CDH8: variants seen among roughly 807,000 people sequenced by gnomAD.
CDH8 encodes cadherin-8.
CDH8 carries 17 observed loss-of-function variants against 68.1 expected under a neutral mutation model. The observed-to-expected ratio is 0.25, with a 90% CI of 0.17 to 0.37. CDH8 has a LOEUF of 0.37. CDH8 is among the 10% of genes least tolerant of loss of function. CDH8 has a pLI of 1.00. For synonymous variants in CDH8, 372 were observed against 365.1 expected, an observed-to-expected ratio of 1.02 and a Z score of -0.21; for missense variants, 763 against 999.3, an observed-to-expected ratio of 0.76 and a Z score of 3.19.
At chr16:61,837,904 T>C (rs940324595) in intron 4 of CDH8, among the ~76,000 whole-genome samples, 2 of 152,014 alleles carry the variant, frequency 1.3e-5, no homozygotes, top group Admixed American at 6.6e-5. Flanking sequence ...GTTAGATCTG[T>C]ATAAACAAGA....
At position 61,733,054 on chromosome 16, in the gene CDH8, GTAA is replaced by G. The variant is rs1314814877; in HGVS notation, c.1415-5842_1415-5840del. On this transcript the variant is annotated intron_variant, in intron 8 of 11. Coordinates refer to ENST00000577390, the MANE Select transcript of CDH8 (RefSeq NM_001796.5). ...TTTTAAAAACACAATATTATATAAA[GTAA>G]TAATTATAGCAATACAATTTTAGGG... Among the ~76,000 whole-genome samples, 3 of 151,832 alleles carry G rather than the reference GTAA, an allele frequency of 2.0e-5. No homozygotes were observed. The East Asian group carries it at 5.8e-4, about 29-fold the overall frequency.
intron 2 of CDH8, among the ~76,000 whole-genome samples, chr16:61,962,351 T>A (rs908833462): frequency 6.6e-6 from 1 of 152,020 alleles, no homozygotes; most frequent in Non-Finnish European, 1.5e-5. Flanking sequence ...GGGGTCAGGA[T>A]GGAGGGTGTG....
intron 2 of CDH8, among the ~76,000 whole-genome samples, chr16:61,963,195 T>C (rs1965188964): frequency 1.3e-5 from 2 of 152,194 alleles, no homozygotes; most frequent in Admixed American, 6.5e-5. Context: ...CAAGGAATGA[T>C]AAGGCATGGT....
chr16:61,949,886 G>A (rs1438229208), intron 2 of CDH8, among the ~76,000 whole-genome samples: 1 of 151,868 alleles, frequency 6.6e-6, no homozygotes, highest in Non-Finnish European at 1.5e-5. Flanking sequence ...CTCTCAGGGG[G>A]CTGAGGTAGG....
At chr16:61,902,989 CAT>C (rs1348855236) in intron 2 of CDH8, among the ~76,000 whole-genome samples, 12 of 152,012 alleles carry the variant, frequency 7.9e-5, no homozygotes, top group African/African-American at 2.7e-4. Flanking sequence ...AATTTATGCA[CAT>C]GTTAACATTT....
At position 61,789,338 on chromosome 16, in the gene CDH8, G is replaced by A. The variant is rs773428300; in HGVS notation, c.1414+8C>T. 1.0e-5 allele frequency: 16 copies of A among 1,606,062 alleles called. No individual in the cohort carries two copies. The Admixed American group carries it at 2.7e-4, about 27-fold the overall frequency. On this transcript the variant is annotated splice_region_variant and intron_variant, in intron 8 of 11. Transcript: ENST00000577390. ...ACAAGGAAGAAATGAACAAATCCAG[G>A]CACTTACTAATTTCAGTAGCAATGA...
intron 2 of CDH8, among the ~76,000 whole-genome samples, chr16:61,923,954 G>T (rs1394110185): frequency 6.6e-6 from 1 of 150,618 alleles, no homozygotes; most frequent in East Asian, 1.9e-4. Context: ...ATGGGTATCA[G>T]AATCATAAGT....
At chr16:61,714,208 AAT>A (rs1308189160) in intron 9 of CDH8, 2 of 434,420 alleles carry the variant, frequency 4.6e-6, no homozygotes, top group African/African-American at 4.2e-5. Flanking sequence ...TGTGGCTTGA[AAT>A]AGCAAAGTTA....
chr16:61,736,022 G>A (rs1343183131), intron 8 of CDH8, among the ~76,000 whole-genome samples: 1 of 151,520 alleles, frequency 6.6e-6, no homozygotes, highest in African/African-American at 2.4e-5. Context: ...GTAGTGAGCC[G>A]AGATCATGCC....
At chr16:61,750,266 C>G (rs16963907) in intron 8 of CDH8, among the ~76,000 whole-genome samples, 24 of 152,094 alleles carry the variant, frequency 1.6e-4, no homozygotes, top group African/African-American at 5.3e-4. Context: ...AAGAGAAAAA[C>G]TACGCAGTCT....
intron 7 of CDH8, among the ~76,000 whole-genome samples, chr16:61,815,055 C>G (rs1257391335): frequency 6.6e-6 from 1 of 152,196 alleles, no homozygotes; most frequent in East Asian, 1.9e-4. Flanking sequence ...GCATTTGTCC[C>G]TTCTTTGGGT....
chr16:61,876,977 T>C (rs576933294), intron 3 of CDH8, among the ~76,000 whole-genome samples: 8 of 152,230 alleles, frequency 5.3e-5, no homozygotes, highest in Admixed American at 2.6e-4. Flanking sequence ...GGAGAACCAA[T>C]TGGGAACAAA....
At chr16:61,996,917 G>A (rs1489312056) in intron 2 of CDH8, among the ~76,000 whole-genome samples, 3 of 151,986 alleles carry the variant, frequency 2.0e-5, no homozygotes, top group Non-Finnish European at 4.4e-5. Context: ...CTGAAATATT[G>A]AGTAGTTTAG....
intron 3 of CDH8, among the ~76,000 whole-genome samples, chr16:61,857,955 T>C (rs910073262): frequency 2.0e-5 from 3 of 151,956 alleles, no homozygotes; most frequent in South Asian, 2.1e-4. Context: ...AGAGCAAACC[T>C]ATACATTTTG....
chr16:61,702,003 C>T (rs373739129), intron 10 of CDH8, among the ~76,000 whole-genome samples: 102 of 152,202 alleles, frequency 6.7e-4, no homozygotes, highest in African/African-American at 2.4e-3. Flanking sequence ...AAATTTAGAA[C>T]GGAAAGTTGT....
intron 7 of CDH8, among the ~76,000 whole-genome samples, chr16:61,801,536 G>T (rs1180722513): frequency 6.6e-6 from 1 of 152,182 alleles, no homozygotes; most frequent in Non-Finnish European, 1.5e-5. Context: ...GGTGATTTCT[G>T]CATTTCCATC....
intron 3 of CDH8, among the ~76,000 whole-genome samples, chr16:61,861,685 C>T (rs1963152751): frequency 6.6e-6 from 1 of 152,324 alleles, no homozygotes; most frequent in African/African-American, 2.4e-5. Context: ...TCAACCAGAA[C>T]ATTTCTTTTA....
At chr16:61,745,767 C>A (rs1325151918) in intron 8 of CDH8, among the ~76,000 whole-genome samples, 1 of 151,906 alleles carries the variant, frequency 6.6e-6, no homozygotes, top group Non-Finnish European at 1.5e-5. Context: ...TTTTCTTGGA[C>A]ATGTTAACTA....
At chr16:61,901,155 C>G (rs76341275) in intron 3 of CDH8, 24 bp downstream of exon 3, 210 of 1,597,464 alleles carry the variant, frequency 1.3e-4, no homozygotes, top group Admixed American at 2.5e-4. Context: ...TTTAATAGAT[C>G]TGTGAAATTG....
Sources: gnomAD v4.1 joint callset for allele counts (sites outside exome capture counted in the v4.1 genomes callset) on GRCh38, gnomAD v4.1.1 for gene constraint, MANE v1.5 for transcripts, NCBI Gene and HGNC (gene_info 2026-07-23, HGNC 2026-07-21) for gene names.